Variants in CDH12 observed in about 807,000 individuals in gnomAD.
CDH12 encodes cadherin 12.
CDH12 carries 41 observed loss-of-function variants against 74.1 expected under a neutral mutation model. The observed-to-expected ratio is 0.55, with a 90% CI of 0.43 to 0.72. The LOEUF (loss-of-function observed/expected upper bound fraction) is 0.72. CDH12 is among the 30% of genes least tolerant of loss of function. The pLI is 0.00. For synonymous variants in CDH12, 399 were observed against 355.0 expected, an observed-to-expected ratio of 1.12 and a Z score of -1.39; for missense variants, 945 against 977.2, an observed-to-expected ratio of 0.97 and a Z score of 0.44.
At chr5:22,831,901 A>G (rs9293038) in intron 1 of CDH12, among the ~76,000 whole-genome samples, 2 of 149,504 alleles carry the variant, frequency 1.3e-5, no homozygotes, top group African/African-American at 4.9e-5. Flanking sequence ...TGTCCCCCCC[A>G]AAAAAAAAAT....
chr5:21,972,203 T>C (rs1362096847), intron 6 of CDH12, among the ~76,000 whole-genome samples: 4 of 152,160 alleles, frequency 2.6e-5, no homozygotes, highest in African/African-American at 7.2e-5. Flanking sequence ...TTATGTTTTA[T>C]GTTACAAAAC....
At chr5:22,136,277 T>G (rs1340412904) in intron 4 of CDH12, among the ~76,000 whole-genome samples, 1 of 151,914 alleles carries the variant, frequency 6.6e-6, no homozygotes, top group Non-Finnish European at 1.5e-5. Context: ...ATGGACAACA[T>G]GGACATCTAG....
At chr5:22,300,547 A>T (rs1737835115) in intron 3 of CDH12, among the ~76,000 whole-genome samples, 1 of 152,184 alleles carries the variant, frequency 6.6e-6, no homozygotes, top group Non-Finnish European at 1.5e-5. Flanking sequence ...GCCATACTCC[A>T]GTTTTCAATT....
intron 2 of CDH12, among the ~76,000 whole-genome samples, chr5:22,478,505 C>A (rs1013219734): frequency 1.3e-5 from 2 of 151,394 alleles, no homozygotes; most frequent in African/African-American, 4.9e-5. Context: ...CAACCTTTAC[C>A]AGCTAAATAT....
At chr5:22,211,139 C>T (rs1195221458) in intron 4 of CDH12, among the ~76,000 whole-genome samples, 2 of 152,096 alleles carry the variant, frequency 1.3e-5, no homozygotes, top group Non-Finnish European at 2.9e-5. Context: ...AGAAAGTGTT[C>T]TGACATCTTT....
Position 21,975,213 on chromosome 5 carries a change from T to A in CDH12, c.404A>T (p.Glu135Val). Reference sequence around the variant, plus strand: ...TTCAGGCTCCAGGGGCTTTCTGGTTTCTATGTCCACAGCCTGAGCACGAAG... The same window carrying A: ...TTCAGGCTCCAGGGGCTTTCTGGTTACTATGTCCACAGCCTGAGCACGAAG... ...YTLRAQAVDI[E>V]TRKPLEPESE... is the part of the protein sequence containing the mutation. Residue 135 changes from glutamate to valine, a missense_variant, in exon 6 of 15, where the codon GAA becomes GTA. By Grantham distance (121) the Glu-to-Val change is moderately radical (BLOSUM62 -2). This residue lies in a region of CDH12 where 148 missense variants were observed against 162.8 expected (regional missense o/e 0.91). Coordinates refer to ENST00000382254, the MANE Select transcript of CDH12 (RefSeq NM_004061.5). The A allele has an allele frequency of 6.3e-7, 1 of 1,597,314 alleles. No individual in the cohort carries two copies. The highest frequency in any genetic ancestry group is 1.1e-5 in the South Asian group (1 of 90,994).
Position 21,975,147 on chromosome 5 carries a change from T to C in CDH12, c.470A>G (p.Glu157Gly). ...IIKVQDINDN[E>G]PKFLDGPYVA... ...ATAAGGTCCATCCAAAAACTTTGGC[T>C]CATTATCATTAATATCCTGCACTTT... Residue 157 changes from glutamate (E) to glycine (G), a missense_variant, in exon 6 of 15, where the codon GAG (glutamate) becomes GGG (glycine). By Grantham distance (98) the Glu-to-Gly change is moderately conservative. Around this residue, in one of 3 missense-constraint regions of CDH12, gnomAD observed 791 missense variants for 792.8 expected, o/e 1.00. Transcript: ENST00000382254. 2 of 1,597,310 alleles carry C rather than the reference T, an allele frequency of 1.3e-6. No individual in the cohort carries two copies. The highest frequency in any genetic ancestry group is 2.2e-5 in the East Asian group (1 of 44,846).
At chr5:22,396,625 T>G (rs1227292813) in intron 3 of CDH12, among the ~76,000 whole-genome samples, 1 of 152,094 alleles carries the variant, frequency 6.6e-6, no homozygotes, top group Non-Finnish European at 1.5e-5. Flanking sequence ...TTGGAGGTAG[T>G]TAGTATAAAA....
chr5:22,809,107 T>C lies in CDH12; in HGVS notation c.-523+43951A>G, dbSNP rs893885445. 4.6e-5 allele frequency among the ~76,000 whole-genome samples: 7 copies of C among 151,970 alleles called. No homozygotes were observed. The East Asian group carries it at 1.4e-3, about 29-fold the overall frequency. On this transcript the variant is annotated intron_variant, in intron 1 of 14. Transcript: ENST00000382254. The stretch of plus-strand genomic sequence containing the variant: ...GAAGGCAAAAAAAAAAACTGTGTAA[T>C]AAAATTAATTCTGATGAGCCTACAG...
intron 1 of CDH12, among the ~76,000 whole-genome samples, chr5:22,593,612 A>G (rs1736458664): frequency 6.6e-6 from 1 of 152,160 alleles, no homozygotes; most frequent in Admixed American, 6.6e-5. Flanking sequence ...GTAACATTTA[A>G]AAAATTAGTT....
chr5:22,184,163 T>C (rs1224985405), intron 4 of CDH12, among the ~76,000 whole-genome samples: 2 of 152,248 alleles, frequency 1.3e-5, no homozygotes, highest in African/African-American at 2.4e-5. Context: ...TGGGCAATAA[T>C]GGCTACTCTT....
At chr5:22,266,559 C>A (rs1381664891) in intron 3 of CDH12, among the ~76,000 whole-genome samples, 1 of 152,086 alleles carries the variant, frequency 6.6e-6, no homozygotes, top group Non-Finnish European at 1.5e-5. Context: ...TATATCACCA[C>A]TATATACATC....
intron 3 of CDH12, among the ~76,000 whole-genome samples, chr5:22,325,030 TA>T (rs1739028279): frequency 6.6e-6 from 1 of 152,170 alleles, no homozygotes; most frequent in African/African-American, 2.4e-5. Context: ...TACCTGTAGG[TA>T]ATAATTCAAT....
chr5:22,439,205 T>A (rs913187031), intron 2 of CDH12, among the ~76,000 whole-genome samples: 4 of 152,020 alleles, frequency 2.6e-5, no homozygotes, highest in East Asian at 1.9e-4. Flanking sequence ...TTAAAATTAG[T>A]AGAGTTAAAG....
chr5:22,831,609 A>G (rs2126501273), intron 1 of CDH12, among the ~76,000 whole-genome samples: 1 of 152,210 alleles, frequency 6.6e-6, no homozygotes, highest in South Asian at 2.1e-4. Context: ...AAAAATTATT[A>G]AATCCAGCCG....
At position 22,078,740 on chromosome 5, in the gene CDH12, C is replaced by A; in HGVS notation, c.-64G>T. On this transcript the variant is annotated 5_prime_UTR_variant, in exon 5 of 15. Coordinates refer to ENST00000382254, the MANE Select transcript of CDH12 (RefSeq NM_004061.5). Reference sequence around the variant, plus strand: ...AACACTTAACGTAGAATTGTGGAATCCAGGTTTGAGGTGTCTGTGGCCTCC... The same window carrying A: ...AACACTTAACGTAGAATTGTGGAATACAGGTTTGAGGTGTCTGTGGCCTCC... 1.3e-6 allele frequency: 2 copies of A among 1,579,220 alleles called. No homozygotes were observed. The highest frequency in any genetic ancestry group is 1.4e-5 in the African/African-American group (1 of 73,852).
chr5:21,920,991 A>C (rs1754326467), intron 6 of CDH12, among the ~76,000 whole-genome samples: 1 of 152,172 alleles, frequency 6.6e-6, no homozygotes, highest in South Asian at 2.1e-4. Flanking sequence ...TTTTTTCTTA[A>C]TTCTACATCT....
intron 3 of CDH12, among the ~76,000 whole-genome samples, chr5:22,378,764 T>C (rs1741641943): frequency 6.6e-6 from 1 of 152,122 alleles, no homozygotes; most frequent in African/African-American, 2.4e-5. Flanking sequence ...TTTTGAGAAT[T>C]ATACAATATT....
intron 1 of CDH12, among the ~76,000 whole-genome samples, chr5:22,845,458 C>A (rs761590520): frequency 1.8e-4 from 28 of 152,074 alleles, no homozygotes; most frequent in Non-Finnish European, 3.5e-4. Context: ...TTATCCATTC[C>A]TTCATTTATT....
Sources: allele counts gnomAD v4.1 joint callset (sites outside exome capture counted in the v4.1 genomes callset), GRCh38; gene constraint gnomAD v4.1.1; regional missense constraint gnomAD v4.1.1; transcripts MANE v1.5; gene names NCBI Gene and HGNC (gene_info 2026-07-23, HGNC 2026-07-21).